The following AR variants were observed in gnomAD, a reference collection of about 807,000 sequenced individuals.
The protein encoded by AR is androgen receptor, also known as dihydrotestosterone receptor.
Under a neutral mutation model 53.9 loss-of-function variants are expected in AR, and 8 were observed. The observed-to-expected ratio is 0.15, with a 90% CI of 0.09 to 0.27. AR has a LOEUF of 0.27. Ranked by LOEUF, AR falls within the 10% of genes least tolerant of loss-of-function variation. The probability of loss-of-function intolerance (pLI) is 1.00; values close to 1 mark genes in which losing one functional copy is unlikely to be tolerated. For missense variants in AR, 639 were observed against 742.5 expected, an observed-to-expected ratio of 0.86 and a Z score of 1.62; for synonymous variants, 359 against 316.4, an observed-to-expected ratio of 1.13 and a Z score of -1.43.
intron 1 of AR, among the ~76,000 whole-genome samples, chrX:67,563,993 C>T (rs766615771): frequency 3.6e-5 from 4 of 111,477 alleles, no homozygotes; most frequent in African/African-American, 1.3e-4. Flanking sequence ...AATGATCTCC[C>T]TTCTCATCCT....
chrX:67,630,185 G>T (rs1395592261), intron 1 of AR, among the ~76,000 whole-genome samples: 23 of 110,321 alleles, frequency 2.1e-4, no homozygotes, highest in Non-Finnish European at 4.2e-4. Context: ...TCAATTCCTG[G>T]GTATCCTTGT....
chrX:67,695,995 AT>A (rs887988820), intron 3 of AR: 3 of 751,583 alleles, frequency 4.0e-6, no homozygotes, highest in African/African-American at 4.6e-5. Flanking sequence ...AATGAGGTTT[AT>A]TTTTAACTAC....
At chrX:67,596,464 A>C (rs1214362870) in intron 1 of AR, among the ~76,000 whole-genome samples, 1 of 111,637 alleles carries the variant, frequency 9.0e-6, no homozygotes, top group Non-Finnish European at 1.9e-5. Flanking sequence ...TTAAAGTCTC[A>C]TTTTAGATTA....
intron 1 of AR, among the ~76,000 whole-genome samples, chrX:67,562,187 C>A (rs1004824235): frequency 9.1e-6 from 1 of 109,395 alleles, no homozygotes; most frequent in Non-Finnish European, 1.9e-5. Context: ...TGGTCTCAAA[C>A]TCCTGACTGC....
intron 1 of AR, among the ~76,000 whole-genome samples, chrX:67,604,346 A>G (rs1354147237): frequency 2.8e-5 from 3 of 109,015 alleles, no homozygotes; most frequent in Non-Finnish European, 5.7e-5. Flanking sequence ...GAGGCCTTAA[A>G]GGTGTTGATC....
intron 1 of AR, among the ~76,000 whole-genome samples, chrX:67,556,081 A>G (rs970156247): frequency 8.9e-6 from 1 of 112,529 alleles, no homozygotes; most frequent in African/African-American, 3.2e-5. Flanking sequence ...GAGAAGTTTC[A>G]TATTCCATTA....
intron 1 of AR, among the ~76,000 whole-genome samples, chrX:67,633,573 C>T (rs1329736497): frequency 8.9e-6 from 1 of 112,009 alleles, no homozygotes; most frequent in Non-Finnish European, 1.9e-5. Flanking sequence ...GAAAACATGT[C>T]CACACAAATA....
At chrX:67,609,666 T>C (rs1249657804) in intron 1 of AR, among the ~76,000 whole-genome samples, 1 of 111,372 alleles carries the variant, frequency 9.0e-6, no homozygotes, top group Non-Finnish European at 1.9e-5. Context: ...CCTTTGCCCA[T>C]TTATACTATG....
At chrX:67,660,451 C>A (rs1926835387) in intron 2 of AR, among the ~76,000 whole-genome samples, 1 of 111,717 alleles carries the variant, frequency 9.0e-6, no homozygotes, top group Non-Finnish European at 1.9e-5. Context: ...GTTTTCCCAA[C>A]ACCATTTATT....
At chrX:67,722,227 T>A in intron 6 of AR, 1 of 348,520 alleles carries the variant, frequency 2.9e-6, no homozygotes, top group East Asian at 5.4e-5. Context: ...GGACAAGGCC[T>A]TTTTGACTGG....
At chrX:67,689,554 A>T (rs1434169089) in intron 3 of AR, 1 of 960,910 alleles carries the variant, frequency 1.0e-6, no homozygotes, top group South Asian at 2.1e-5. Flanking sequence ...TTTTTTTTCT[A>T]GCAGCTGTTG....
chrX:67,577,089 A>G (rs1257349237), intron 1 of AR, among the ~76,000 whole-genome samples: 1 of 104,636 alleles, frequency 9.6e-6, no homozygotes, highest in Non-Finnish European at 2.0e-5. Flanking sequence ...CCAAAAGGAA[A>G]CCCTCTGCCC....
rs771431141 is a variant in AR at position 67,725,299 on chromosome X, C to G, written c.*1458C>G. On this transcript the variant is annotated 3_prime_UTR_variant, in exon 8 of 8. Coordinates refer to ENST00000374690, the MANE Select transcript of AR (RefSeq NM_000044.6). ...TACCAACTCTCAGATCGCTGGAGCCCTTAGACAAACTGGAAAGAAGGCATC... is the reference window on the plus strand; with the variant it reads ...TACCAACTCTCAGATCGCTGGAGCCGTTAGACAAACTGGAAAGAAGGCATC... 95 of 173,295 alleles carry G rather than the reference C, an allele frequency of 5.5e-4. No individual in the cohort carries two copies. The highest frequency in any genetic ancestry group is 2.6e-3 in the African/African-American group (87 of 33,727). 14.3% of individuals were successfully genotyped at this position (173,295 alleles called of 1,213,427 possible).
intron 2 of AR, among the ~76,000 whole-genome samples, chrX:67,664,595 C>T (rs1342318660): frequency 8.9e-6 from 1 of 112,235 alleles, no homozygotes; most frequent in Non-Finnish European, 1.9e-5. Context: ...TCTGTCCGTT[C>T]TCAGATCTCC....
intron 1 of AR, among the ~76,000 whole-genome samples, chrX:67,591,052 GCAT>G (rs1922807117): frequency 9.0e-6 from 1 of 111,580 alleles, no homozygotes; most frequent in Non-Finnish European, 1.9e-5. Context: ...TTTCTTCCAG[GCAT>G]CATATTAAAC....
At position 67,729,320 on chromosome X, in the gene AR, A is replaced by T. The variant is rs2076170903; in HGVS notation, c.*5479A>T. ...GAGATTGACACTTCTGTTGCCTAGG[A>T]CCTCCCAACTCAACCATTTCTAGGT... On this transcript the variant is annotated 3_prime_UTR_variant, in exon 8 of 8. Transcript: ENST00000374690. 5.7e-6 allele frequency: 1 copy of T among 174,915 alleles called. No homozygotes were observed. The highest frequency in any genetic ancestry group is 7.8e-5 in the Admixed American group (1 of 12,839). 14.4% of individuals were successfully genotyped at this position (174,915 alleles called of 1,213,427 possible). A position where few individuals can be genotyped will look rare whatever the true frequency, so the allele number is the denominator to read the frequency against.
At chrX:67,626,992 G>A (rs991661720) in intron 1 of AR, among the ~76,000 whole-genome samples, 4 of 105,552 alleles carry the variant, frequency 3.8e-5, no homozygotes, top group Non-Finnish European at 5.8e-5. Flanking sequence ...AGTATTCCAT[G>A]GTGTATATGT....
chrX:67,630,032 T>G (rs1924979654), intron 1 of AR, among the ~76,000 whole-genome samples: 1 of 111,203 alleles, frequency 9.0e-6, no homozygotes, highest in Non-Finnish European at 1.9e-5. Flanking sequence ...TTCTTTTACA[T>G]TTGCTGAGGA....
intron 1 of AR, among the ~76,000 whole-genome samples, chrX:67,625,908 A>T (rs1049277987): frequency 1.6e-4 from 18 of 110,619 alleles, no homozygotes; most frequent in Admixed American, 2.9e-4. Context: ...AATTTTTTTA[A>T]AAAAACCCTT....
Sources: gnomAD v4.1 joint callset for allele counts (sites outside exome capture counted in the v4.1 genomes callset) on GRCh38, gnomAD v4.1.1 for gene constraint, MANE v1.5 for transcripts, NCBI Gene and HGNC (gene_info 2026-07-23, HGNC 2026-07-21) for gene names.